Variants in CHRNA2 observed in about 807,000 individuals in gnomAD.
CHRNA2 encodes cholinergic receptor nicotinic alpha 2 subunit.
CHRNA2 carries 40 observed loss-of-function variants against 45.5 expected under a neutral mutation model. The observed-to-expected ratio is 0.88, with a 90% CI of 0.68 to 1.15. The LOEUF (loss-of-function observed/expected upper bound fraction) is 1.15, where lower values mean the gene tolerates loss of function less well. Among genes scored for constraint, CHRNA2 ranks in the 50% most tolerant of loss-of-function variants. The pLI is 0.00. For synonymous variants in CHRNA2, 301 were observed against 296.7 expected (o/e 1.01, Z -0.15); for missense variants, 655 against 701.7 (o/e 0.93, Z 0.75).
At chr8:27,470,912 C>A in intron 2 of CHRNA2, 74 bp downstream of exon 2, 2 of 1,492,808 alleles carry the variant, frequency 1.3e-6, no homozygotes, top group South Asian at 2.3e-5. Context: ...CATCCACCTG[C>A]AGACTCCTTC....
chr8:27,461,828 T>A, intron 6 of CHRNA2, 74 bp from the exon 7 acceptor site: 1 of 1,607,502 alleles, frequency 6.2e-7, no homozygotes, highest in Non-Finnish European at 8.5e-7. Context: ...TCACAGCCCC[T>A]GCACAGGCGG....
intron 2 of CHRNA2, among the ~76,000 whole-genome samples, chr8:27,470,381 C>A (rs1158842978): frequency 6.6e-6 from 1 of 152,196 alleles, no homozygotes; most frequent in Non-Finnish European, 1.5e-5. Context: ...GGTAAGCAGT[C>A]TCCCGTTCCC....
At chr8:27,461,800 G>A (rs2132646761) in intron 6 of CHRNA2, 46 bp from the exon 7 acceptor site, 2 of 1,613,392 alleles carry the variant, frequency 1.2e-6, no homozygotes, top group Non-Finnish European at 1.7e-6. Flanking sequence ...GCCTGGGAAA[G>A]GGATGTGTTC....
intron 4 of CHRNA2, among the ~76,000 whole-genome samples, chr8:27,467,740 G>C (rs1864375): frequency 6.6e-6 from 1 of 152,072 alleles, no homozygotes; most frequent in Non-Finnish European, 1.5e-5. Flanking sequence ...AGAGCCAAGC[G>C]GGGAATGCAG....
chr8:27,478,819 C>T lies in CHRNA2; in HGVS notation c.-137+5G>A, dbSNP rs1203731860. ...CTCAACATAAGCCTTGGGTACCTTTCTTACCTGTGGTTACAGAAGAAAACA... is the reference window on the plus strand; with the variant it reads ...CTCAACATAAGCCTTGGGTACCTTTTTTACCTGTGGTTACAGAAGAAAACA... On this transcript the variant is annotated splice_donor_5th_base_variant and intron_variant, in intron 1 of 6. Transcript: ENST00000407991. The T allele has an allele frequency of 2.0e-5, 3 of 152,206 alleles. No individual in the cohort carries two copies. The highest frequency in any genetic ancestry group is 6.5e-5 in the Admixed American group (1 of 15,288). The allele number at this position is 152,206 out of a possible 1,614,324, so 9.4% of individuals were successfully genotyped here. A position where few individuals can be genotyped will look rare whatever the true frequency, so the allele number is the denominator to read the frequency against.
At chr8:27,470,098 T>C in intron 2 of CHRNA2, 117 bp from the exon 3 acceptor site, 2 of 987,422 alleles carry the variant, frequency 2.0e-6, no homozygotes, top group Non-Finnish European at 3.1e-6. Flanking sequence ...GATGATAATG[T>C]CTATCAGAGC....
chr8:27,461,726 A>T lies in CHRNA2; in HGVS notation c.1493T>A (p.Met498Lys). 1 of 1,614,204 alleles carries T rather than the reference A, an allele frequency of 6.2e-7. No homozygotes were observed. The highest frequency in any genetic ancestry group is 8.5e-7 in the Non-Finnish European group (1 of 1,180,010). The change falls in exon 7 of 7, where the codon ATG (methionine) becomes AAG (lysine). Residue 498 changes from methionine to lysine, a missense_variant. By Grantham distance (95) the Met-to-Lys change is moderately conservative. Around this residue, in one of 3 missense-constraint regions of CHRNA2, gnomAD observed 295 missense variants for 280.4 expected, o/e 1.05. Transcript: ENST00000407991. ...SVKEDWKYVA[M>K]VIDRIFLWLF... ...CCAGAGGAAGATCCTGTCGATGACC[A>T]TGGCAACATACTTCCAGTCCTCCTT...
chr8:27,472,412 A>G (rs1812915910), intron 1 of CHRNA2, among the ~76,000 whole-genome samples: 1 of 152,196 alleles, frequency 6.6e-6, no homozygotes, highest in African/African-American at 2.4e-5. Context: ...TCTGAATTGA[A>G]TTAGAAGGCA....
rs369806823 is a variant in CHRNA2 at position 27,469,833 on chromosome 8, C to T, written c.222G>A (p.Ala74=). The change falls in exon 3 of 7, where the codon GCG becomes GCA. Residue 74 remains alanine (A), a synonymous_variant. Transcript: ENST00000407991. ...CGTCTGAAGTGTTGGGCACCGGGCGCGCCCAGCGGTTGTAGCCCCGGAAGA... is the reference window on the plus strand; with the variant it reads ...CGTCTGAAGTGTTGGGCACCGGGCGTGCCCAGCGGTTGTAGCCCCGGAAGA... ...KHLFRGYNRW[A]RPVPNTSDVV... is the part of the protein sequence containing the mutation. The T allele has an allele frequency of 1.5e-5, 25 of 1,614,052 alleles. No individual in the cohort carries two copies. The African/African-American group carries it at 1.6e-4, about 10-fold the overall frequency.
rs1356779660 is a variant in CHRNA2 at position 27,460,776 on chromosome 8, C to T, written c.*853G>A. On this transcript the variant is annotated 3_prime_UTR_variant, in exon 7 of 7. Coordinates refer to ENST00000407991, the MANE Select transcript of CHRNA2 (RefSeq NM_000742.4). Reference sequence around the variant, plus strand: ...TGTTTGCCTGCTGCACGCGTAGGGACATATGGAGCCCCTGCAGGCCATGGC... The same window carrying T: ...TGTTTGCCTGCTGCACGCGTAGGGATATATGGAGCCCCTGCAGGCCATGGC... 6.6e-6 allele frequency: 1 copy of T among 152,308 alleles called. No homozygotes were observed. Among genetic ancestry groups the T allele is most frequent in the African/African-American group, 2.4e-5 (1 of 41,418 alleles). The allele number at this position is 152,308 out of a possible 1,614,324, so 9.4% of individuals were successfully genotyped here.
Position 27,469,733 on chromosome 8 carries a change from C to T in CHRNA2, c.294+28G>A, listed in dbSNP as rs376078367. 1.3e-3 allele frequency: 2,146 copies of T among 1,613,396 alleles called. 16 individuals carry two copies. Among genetic ancestry groups the T allele is most frequent in the South Asian group, 0.011 (966 of 91,050 alleles). ...GTGGGTGGTCTGGGATCTCCTTCCTCGGGCCAGCGGTGGGAAGACAGGCGC... is the reference window on the plus strand; with the variant it reads ...GTGGGTGGTCTGGGATCTCCTTCCTTGGGCCAGCGGTGGGAAGACAGGCGC... On this transcript the variant is annotated intron_variant, in intron 3 of 6. Coordinates refer to ENST00000407991, the MANE Select transcript of CHRNA2 (RefSeq NM_000742.4).
At chr8:27,461,810 C>G (rs747825857) in intron 6 of CHRNA2, 56 bp from the exon 7 acceptor site, 46 of 1,611,750 alleles carry the variant, frequency 2.9e-5, no homozygotes, top group Non-Finnish European at 3.9e-5. Context: ...GGGATGTGTT[C>G]CCCCCATTCA....
chr8:27,469,229 G>A (rs1812789935), intron 4 of CHRNA2, 106 bp downstream of exon 4: 3 of 1,117,284 alleles, frequency 2.7e-6, no homozygotes, highest in Admixed American at 2.0e-5. Flanking sequence ...CTAAGTTCAG[G>A]GTCTTGCTGT....
In CHRNA2 at chr8:27,471,192, A is replaced by G. The variant is rs1812873332; in HGVS notation, c.-134T>C. ...TCTGCGAGGCTTCCTCTCACCACCG[A>G]ACCTGAGCAAGCCCAAGAAAGGGCT... is the stretch of plus-strand genomic sequence containing the variant. On this transcript the variant is annotated splice_region_variant and 5_prime_UTR_variant, in exon 2 of 7. Coordinates refer to ENST00000407991, the MANE Select transcript of CHRNA2 (RefSeq NM_000742.4). 1 of 802,866 alleles carries G rather than the reference A, an allele frequency of 1.2e-6. No homozygotes were observed. Among genetic ancestry groups the G allele is most frequent in the East Asian group, 2.7e-5 (1 of 36,862 alleles). 49.7% of individuals were successfully genotyped at this position (802,866 alleles called of 1,614,324 possible).
At chr8:27,474,319 C>T (rs1812995487) in intron 1 of CHRNA2, among the ~76,000 whole-genome samples, 1 of 152,276 alleles carries the variant, frequency 6.6e-6, no homozygotes, top group Non-Finnish European at 1.5e-5. Context: ...CATCAATTTC[C>T]CCAGAAGGTT....
Position 27,463,618 on chromosome 8 carries a change from G to A in CHRNA2, c.825C>T (p.Pro275=). The change falls in exon 6 of 7, where the codon CCC becomes CCT. Residue 275 remains proline, a synonymous_variant. Coordinates refer to ENST00000407991, the MANE Select transcript of CHRNA2 (RefSeq NM_000742.4). The surrounding 1 kb of genome is among the most constrained non-coding windows in gnomAD (Gnocchi z 6.1). ...CAGTGAGGCAGGAGATGAGCAGGCA[G>A]GGGATGATGAGGTTGATGGTGTAGA... ...PLFYTINLII[P]CLLISCLTVL... The A allele has an allele frequency of 6.2e-7, 1 of 1,614,208 alleles. No individual in the cohort carries two copies. Among genetic ancestry groups the A allele is most frequent in the Non-Finnish European group, 8.5e-7 (1 of 1,180,044 alleles).
At chr8:27,466,329 A>G (rs747188623) in intron 5 of CHRNA2, among the ~76,000 whole-genome samples, 21 of 152,206 alleles carry the variant, frequency 1.4e-4, no homozygotes, top group Admixed American at 3.9e-4. Context: ...TTTCCAAAGT[A>G]GGATCAAATG....
At position 27,463,984 on chromosome 8, in the gene CHRNA2, C is replaced by T. The variant is rs1586391704; in HGVS notation, c.459G>A (p.Gly153=). ...TGGTCATGTGGGTCACTGCAAACTC[C>T]CCATCTGCACTGAGAAGAGGAGAGG... ...PDIVLYNNAD[G]EFAVTHMTKA... The change falls in exon 6 of 7, where the codon GGG becomes GGA. Residue 153 remains glycine (G), a synonymous_variant. Transcript: ENST00000407991. This position sits in a 1 kb window ranked among gnomAD's most constrained non-coding sequence, Gnocchi z 6.1. 5.0e-6 allele frequency: 8 copies of T among 1,614,108 alleles called. No individual in the cohort carries two copies. Among genetic ancestry groups the T allele is most frequent in the Non-Finnish European group, 6.8e-6 (8 of 1,180,020 alleles).
At chr8:27,473,034 A>G (rs1812938798) in intron 1 of CHRNA2, among the ~76,000 whole-genome samples, 2 of 152,172 alleles carry the variant, frequency 1.3e-5, no homozygotes, top group Admixed American at 6.5e-5. Context: ...GAAAAGCAGT[A>G]TTTTAAAATA....
Sources: gnomAD v4.1 joint callset for allele counts (sites outside exome capture counted in the v4.1 genomes callset) on GRCh38, gnomAD v4.1.1 for gene constraint, gnomAD v4.1.1 regional missense constraint, Gnocchi (gnomAD v3.1) non-coding constraint, MANE v1.5 for transcripts, NCBI Gene and HGNC (gene_info 2026-07-23, HGNC 2026-07-21) for gene names.